ATP2C1: variants seen among roughly 807,000 people sequenced by gnomAD.
ATP2C1 encodes ATPase secretory pathway Ca2+ transporting 1.
A neutral mutation model predicts 120.5 loss-of-function variants in ATP2C1; 31 were observed. That is an observed-to-expected ratio of 0.26 (90% CI 0.19 to 0.35). The LOEUF (loss-of-function observed/expected upper bound fraction) is 0.35. ATP2C1 is among the 10% of genes least tolerant of loss of function. The pLI is 1.00. For missense variants in ATP2C1, 731 were observed against 1,107.5 expected (o/e 0.66, Z 4.83); for synonymous variants, 351 against 358.7 (o/e 0.98, Z 0.24).
At chr3:130,983,159 C>G (rs1383072413) in intron 20 of ATP2C1, among the ~76,000 whole-genome samples, 1 of 152,188 alleles carries the variant, frequency 6.6e-6, no homozygotes, top group East Asian at 1.9e-4. Context: ...AGCTTCTATT[C>G]TTTTTACTAC....
At chr3:130,949,727 C>T (rs911375523) in intron 8 of ATP2C1, among the ~76,000 whole-genome samples, 5 of 151,464 alleles carry the variant, frequency 3.3e-5, no homozygotes, top group South Asian at 2.1e-4. Context: ...TTCAGTAATA[C>T]GTAACATAAC....
At chr3:130,932,395 C>T (rs1283862010) in intron 4 of ATP2C1, among the ~76,000 whole-genome samples, 2 of 152,024 alleles carry the variant, frequency 1.3e-5, no homozygotes, top group African/African-American at 4.8e-5. Flanking sequence ...GTGTCCTTTG[C>T]TGATATCAAA....
intron 2 of ATP2C1, among the ~76,000 whole-genome samples, chr3:130,927,465 T>C (rs143179987): frequency 0.024 from 3,625 of 152,186 alleles, 53 homozygotes; most frequent in Middle Eastern, 0.054. Context: ...ATGGTCTCGA[T>C]CTCCTGACCT....
At chr3:130,939,062 A>G (rs1269464080) in intron 6 of ATP2C1, among the ~76,000 whole-genome samples, 1 of 152,192 alleles carries the variant, frequency 6.6e-6, no homozygotes, top group Non-Finnish European at 1.5e-5. Flanking sequence ...CCTAGTTTCA[A>G]ATTGCTAGGT....
chr3:130,850,995 T>C (rs1406736155), intron 1 of ATP2C1: 1 of 890,942 alleles, frequency 1.1e-6, no homozygotes, highest in East Asian at 3.2e-5. Flanking sequence ...TTACGTCGCT[T>C]AGTGATTTCA....
At chr3:130,885,650 CCT>C (rs1174247282) in intron 1 of ATP2C1, among the ~76,000 whole-genome samples, 2 of 151,800 alleles carry the variant, frequency 1.3e-5, no homozygotes, top group South Asian at 2.1e-4. Context: ...ACTTTGTCCC[CCT>C]GCTTTTTAAC....
chr3:130,987,051 G>A (rs991575431), intron 20 of ATP2C1, among the ~76,000 whole-genome samples: 2 of 150,698 alleles, frequency 1.3e-5, no homozygotes, highest in Non-Finnish European at 2.9e-5. Flanking sequence ...GCTATCCTCT[G>A]CCTTAGCCTC....
intron 17 of ATP2C1, among the ~76,000 whole-genome samples, chr3:130,972,240 C>T (rs1319455508): frequency 6.6e-6 from 1 of 152,142 alleles, no homozygotes; most frequent in East Asian, 1.9e-4. Flanking sequence ...CTCTTGCCTG[C>T]AGCCCACTTC....
intron 1 of ATP2C1, among the ~76,000 whole-genome samples, chr3:130,881,543 G>A (rs1408106744): frequency 6.6e-6 from 1 of 152,092 alleles, no homozygotes; most frequent in Non-Finnish European, 1.5e-5. Context: ...GTTTTTTGTA[G>A]AGATGACGTT....
At chr3:130,909,275 T>C (rs1218087983) in intron 2 of ATP2C1, among the ~76,000 whole-genome samples, 1 of 152,188 alleles carries the variant, frequency 6.6e-6, no homozygotes, top group Non-Finnish European at 1.5e-5. Flanking sequence ...TCCCACCCCA[T>C]ATAGAAATGG....
intron 1 of ATP2C1, among the ~76,000 whole-genome samples, chr3:130,879,769 G>T (rs1010442926): frequency 2.6e-5 from 4 of 152,198 alleles, no homozygotes; most frequent in African/African-American, 9.7e-5. Context: ...CTGGGTGGGT[G>T]CGATAGTACA....
chr3:130,932,836 A>G (rs1448558304), intron 4 of ATP2C1, among the ~76,000 whole-genome samples: 1 of 152,160 alleles, frequency 6.6e-6, no homozygotes, highest in Non-Finnish European at 1.5e-5. Context: ...TTCTAAAACG[A>G]TCTATGTTTA....
In ATP2C1 at chr3:130,944,611, G is replaced by T. The variant is rs180941876; in HGVS notation, c.531+2912G>T. 3.7e-3 allele frequency among the ~76,000 whole-genome samples: 557 copies of T among 152,198 alleles called. 1 individual carries two copies. Among genetic ancestry groups the T allele is most frequent in the African/African-American group, 0.012 (518 of 41,508 alleles). ...CCCCATCTCCAAATACTATAACATT[G>T]ACTGTAGAGCTATATAGCATGTGAC... is the stretch of plus-strand genomic sequence containing the variant. On this transcript the variant is annotated intron_variant, in intron 8 of 27. Coordinates refer to ENST00000510168, the MANE Select transcript of ATP2C1 (RefSeq NM_001378687.1).
chr3:131,006,481 A>AATAC (rs1474447773), downstream of ATP2C1, among the ~76,000 whole-genome samples: 5 of 152,146 alleles, frequency 3.3e-5, no homozygotes, highest in Non-Finnish European at 5.9e-5. Context: ...ACAATGCTCC[A>AATAC]ATACAGTCCA....
At chr3:130,917,364 C>A (rs953722194) in intron 2 of ATP2C1, among the ~76,000 whole-genome samples, 2 of 152,124 alleles carry the variant, frequency 1.3e-5, no homozygotes, top group African/African-American at 2.4e-5. Context: ...AGGTAAAAGA[C>A]ATTTCTTTTT....
chr3:130,953,935 A>G lies in ATP2C1; in HGVS notation c.646A>G (p.Ile216Val). The change falls in exon 9 of 28, where the codon ATT (isoleucine) becomes GTT (valine). Residue 216 changes from isoleucine (I) to valine (V), a missense_variant. This residue lies in a region of ATP2C1 where 571 missense variants were observed against 845.9 expected (regional missense o/e 0.67). Coordinates refer to ENST00000510168, the MANE Select transcript of ATP2C1 (RefSeq NM_001378687.1). ...TGGAGATCTTGCATCGAGAAGTAAC[A>G]TTGCCTTTATGGGAACACTGGTCAG... ...TNGDLASRSNIAFMGTLVRCG... is the reference protein window; with the variant it reads ...TNGDLASRSNVAFMGTLVRCG... 2 of 1,614,098 alleles carry G rather than the reference A, an allele frequency of 1.2e-6. No individual in the cohort carries two copies. Among genetic ancestry groups the G allele is most frequent in the Non-Finnish European group, 1.7e-6 (2 of 1,179,974 alleles).
intron 1 of ATP2C1, among the ~76,000 whole-genome samples, chr3:130,861,507 T>G (rs1015999908): frequency 6.6e-6 from 1 of 152,192 alleles, no homozygotes; most frequent in Non-Finnish European, 1.5e-5. Context: ...CTCTGCCTTT[T>G]GGTCCTATTT....
chr3:130,992,557 G>A (rs2062406071), intron 20 of ATP2C1, among the ~76,000 whole-genome samples: 1 of 152,182 alleles, frequency 6.6e-6, no homozygotes, highest in Non-Finnish European at 1.5e-5. Flanking sequence ...AGAAGCAGCT[G>A]TTCTTTATTG....
At chr3:130,932,820 C>T (rs1002374461) in intron 4 of ATP2C1, among the ~76,000 whole-genome samples, 8 of 152,056 alleles carry the variant, frequency 5.3e-5, no homozygotes, top group Admixed American at 3.9e-4. Context: ...TTTTAACCTG[C>T]GGTCTTTCTA....
Sources: allele counts gnomAD v4.1 joint callset (sites outside exome capture counted in the v4.1 genomes callset), GRCh38; gene constraint gnomAD v4.1.1; regional missense constraint gnomAD v4.1.1; transcripts MANE v1.5; gene names NCBI Gene and HGNC (gene_info 2026-07-23, HGNC 2026-07-21).